The following ITFG1 variants were observed in gnomAD, a reference collection of about 807,000 sequenced individuals.
ITFG1 encodes integrin alpha FG-GAP repeat containing 1.
In ITFG1, 34 loss-of-function variants were observed where a neutral mutation model predicts 81.8. The observed-to-expected ratio is 0.42, with a 90% CI of 0.32 to 0.55. The LOEUF is 0.55. ITFG1 is among the 20% of genes least tolerant of loss of function. The pLI is 0.17. For synonymous variants in ITFG1, 285 were observed against 270.6 expected (o/e 1.05, Z -0.52); for missense variants, 672 against 755.4 (o/e 0.89, Z 1.29).
At chr16:47,176,388 G>A (rs1430466196) in intron 14 of ITFG1, among the ~76,000 whole-genome samples, 1 of 152,150 alleles carries the variant, frequency 6.6e-6, no homozygotes, top group Admixed American at 6.5e-5. Flanking sequence ...AGGAAGATAT[G>A]TAATTTGGAG....
In ITFG1 at chr16:47,196,249, A is replaced by T. The variant is rs188888201; in HGVS notation, c.1453+22619T>A. On this transcript the variant is annotated intron_variant, in intron 14 of 17. Transcript: ENST00000320640. ...TATCCTGCATGGTGTGGTCTGAGCA[A>T]CCCGAACCTGTGGTTTGGTGTGTCA... is the stretch of plus-strand genomic sequence containing the variant. 210 of 151,484 alleles carry T rather than the reference A, an allele frequency of 1.4e-3. 2 individuals carry two copies. The highest frequency in any genetic ancestry group is 4.8e-3 in the African/African-American group (200 of 41,266). 9.4% of individuals were successfully genotyped at this position (151,484 alleles called of 1,614,324 possible).
At chr16:47,369,317 C>T (rs1239034109) in intron 7 of ITFG1, among the ~76,000 whole-genome samples, 2 of 152,160 alleles carry the variant, frequency 1.3e-5, no homozygotes, top group African/African-American at 2.4e-5. Context: ...TCCTTTTTCA[C>T]TGAAAAGTTA....
At chr16:47,178,851 A>G (rs1169900061) in intron 14 of ITFG1, among the ~76,000 whole-genome samples, 1 of 152,246 alleles carries the variant, frequency 6.6e-6, no homozygotes, top group Non-Finnish European at 1.5e-5. Context: ...AATATCCAGA[A>G]TCTACAATGA....
chr16:47,158,747 C>T (rs1964754637), intron 17 of ITFG1, 126 bp downstream of exon 17: 2 of 536,210 alleles, frequency 3.7e-6, no homozygotes, highest in Admixed American at 3.5e-5. Flanking sequence ...TTGAACAGAA[C>T]TTGAAAAATG....
chr16:47,364,772 A>T (rs1302079794), intron 8 of ITFG1, among the ~76,000 whole-genome samples: 2 of 152,238 alleles, frequency 1.3e-5, no homozygotes, highest in African/African-American at 4.8e-5. Context: ...ATACATCCAT[A>T]TGACACTGAA....
At chr16:47,415,547 G>T (rs993603836) in intron 6 of ITFG1, among the ~76,000 whole-genome samples, 2 of 152,102 alleles carry the variant, frequency 1.3e-5, no homozygotes, top group Non-Finnish European at 2.9e-5. Context: ...TTGCAAAGCA[G>T]AGAATTTAGG....
At chr16:47,257,043 A>G (rs1169083990) in intron 12 of ITFG1, among the ~76,000 whole-genome samples, 1 of 152,238 alleles carries the variant, frequency 6.6e-6, no homozygotes, top group Non-Finnish European at 1.5e-5. Context: ...TCTATAGCTA[A>G]TATAACACTT....
chr16:47,365,082 A>G (rs1257880752), intron 8 of ITFG1, among the ~76,000 whole-genome samples: 1 of 152,164 alleles, frequency 6.6e-6, no homozygotes, highest in African/African-American at 2.4e-5. Context: ...TGTCATTCCC[A>G]TTTTATATAT....
intron 8 of ITFG1, among the ~76,000 whole-genome samples, chr16:47,346,203 T>A (rs888713984): frequency 6.6e-6 from 1 of 152,184 alleles, no homozygotes; most frequent in African/African-American, 2.4e-5. Flanking sequence ...CAAGTCTTAA[T>A]AAATTTTAAA....
intron 6 of ITFG1, among the ~76,000 whole-genome samples, chr16:47,416,342 A>C (rs1968874701): frequency 6.6e-6 from 1 of 152,210 alleles, no homozygotes; most frequent in Non-Finnish European, 1.5e-5. Flanking sequence ...ACTATTTAAA[A>C]AAATTAAGAA....
intron 14 of ITFG1, among the ~76,000 whole-genome samples, chr16:47,176,953 CTT>C (rs746522529): frequency 2.8e-4 from 38 of 135,080 alleles, no homozygotes; most frequent in Admixed American, 3.8e-4. Flanking sequence ...TCTTCTTCTT[CTT>C]TTTTTTTTTT....
At chr16:47,431,375 T>C (rs1775399030) in intron 5 of ITFG1, among the ~76,000 whole-genome samples, 2 of 152,192 alleles carry the variant, frequency 1.3e-5, no homozygotes, top group South Asian at 4.1e-4. Context: ...TATTGTGAAA[T>C]GCACATTCAA....
chr16:47,383,036 C>G (rs765824425), intron 6 of ITFG1, among the ~76,000 whole-genome samples: 4 of 152,070 alleles, frequency 2.6e-5, no homozygotes, highest in Non-Finnish European at 5.9e-5. Flanking sequence ...TTTCCTCTAC[C>G]CCTGTGAGGT....
chr16:47,396,692 G>C (rs956335915), intron 6 of ITFG1, among the ~76,000 whole-genome samples: 3 of 152,152 alleles, frequency 2.0e-5, no homozygotes, highest in African/African-American at 7.2e-5. Flanking sequence ...GGCTGGATGA[G>C]GGATGAGTGG....
chr16:47,327,048 G>A (rs866892166), intron 8 of ITFG1, among the ~76,000 whole-genome samples: 2 of 152,166 alleles, frequency 1.3e-5, no homozygotes, highest in Admixed American at 6.5e-5. Context: ...GAAAGGTGGA[G>A]GCATCACGCT....
At chr16:47,332,071 C>T (rs910093106) in intron 8 of ITFG1, among the ~76,000 whole-genome samples, 1 of 152,096 alleles carries the variant, frequency 6.6e-6, no homozygotes, top group African/African-American at 2.4e-5. Context: ...ACCAGTGTTG[C>T]GGTTTTCTCA....
chr16:47,237,277 T>C (rs1033875237), intron 13 of ITFG1, among the ~76,000 whole-genome samples: 2 of 152,238 alleles, frequency 1.3e-5, no homozygotes, highest in South Asian at 2.1e-4. Context: ...CTAGTTTGTA[T>C]TGCAGTTCCA....
Position 47,445,111 on chromosome 16 carries a change from TAAA to T in ITFG1, c.560+6282_560+6284del, listed in dbSNP as rs61015312. Among the ~76,000 whole-genome samples, 515 of 131,926 alleles carry T rather than the reference TAAA, an allele frequency of 3.9e-3. 2 individuals carry two copies. Among genetic ancestry groups the T allele is most frequent in the Middle Eastern group, 0.016 (4 of 246 alleles). The allele number at this position is 131,926 out of a possible 152,430, so 86.5% of individuals were successfully genotyped here. ...GCTTCATGTTAAGAGAAATGTACAT[TAAA>T]AAAAAAAAAAAAAGAAAAACTGGAA... On this transcript the variant is annotated intron_variant, in intron 5 of 17. Transcript: ENST00000320640.
At position 47,373,874 on chromosome 16, in the gene ITFG1, G is replaced by A. The variant is rs184913788; in HGVS notation, c.720+2002C>T. On this transcript the variant is annotated intron_variant, in intron 7 of 17. Transcript: ENST00000320640. The stretch of plus-strand genomic sequence containing the variant: ...TTTTTTGGCAAATTAGTATGTGACT[G>A]CAAAGTCTCTGTCCAATCTCTAATT... Among the ~76,000 whole-genome samples, 458 of 152,270 alleles carry A rather than the reference G, an allele frequency of 3.0e-3. 1 individual carries two copies. The highest frequency in any genetic ancestry group is 5.8e-3 in the Non-Finnish European group (395 of 68,008).
Sources: gnomAD v4.1 joint callset for allele counts (sites outside exome capture counted in the v4.1 genomes callset) on GRCh38, gnomAD v4.1.1 for gene constraint, MANE v1.5 for transcripts, NCBI Gene and HGNC (gene_info 2026-07-23, HGNC 2026-07-21) for gene names.